Variants in RBFOX2 observed in about 807,000 individuals in gnomAD.
RBFOX2 encodes the protein RNA binding fox-1 homolog 2, also known as RNA binding protein fox-1 homolog 2.
Under a neutral mutation model 49.1 loss-of-function variants are expected in RBFOX2, and 10 were observed. The ratio of observed to expected loss-of-function variants is 0.20; its 90% CI spans 0.13 to 0.35. The LOEUF (loss-of-function observed/expected upper bound fraction) is 0.35. RBFOX2 is among the 10% of genes least tolerant of loss of function. RBFOX2 has a pLI of 1.00. For missense variants in RBFOX2, 323 were observed against 486.9 expected (o/e 0.66, Z 3.17); for synonymous variants, 183 against 187.4 (o/e 0.98, Z 0.19).
intron 1 of RBFOX2, among the ~76,000 whole-genome samples, chr22:35,899,603 A>C (rs2048322093): frequency 6.6e-6 from 1 of 152,092 alleles, no homozygotes; most frequent in African/African-American, 2.4e-5. Context: ...AAGGGGGAAC[A>C]AAGTGGTAGG....
rs187003324 is a variant in RBFOX2 at position 35,864,327 on chromosome 22, A to G, written c.-33-54323T>C. 1.8e-3 allele frequency among the ~76,000 whole-genome samples: 274 copies of G among 152,320 alleles called. 1 individual carries two copies. Among genetic ancestry groups the G allele is most frequent in the African/African-American group, 6.0e-3 (248 of 41,578 alleles). ...TAGTACCTACCAGGGTTTTTTCCCCATGACCTGAAACCACTATAATATAGC... is the reference window on the plus strand; with the variant it reads ...TAGTACCTACCAGGGTTTTTTCCCCGTGACCTGAAACCACTATAATATAGC... On this transcript the variant is annotated intron_variant, in intron 1 of 13. Coordinates refer to the RBFOX2 transcript ENST00000359369.
chr22:35,822,471 A>C (rs541722479), intron 1 of RBFOX2, among the ~76,000 whole-genome samples: 2 of 152,290 alleles, frequency 1.3e-5, no homozygotes, highest in African/African-American at 4.8e-5. Flanking sequence ...TTTCATGCTA[A>C]AAGTTCCTCT....
At chr22:35,879,467 A>G (rs2045587768) in intron 1 of RBFOX2, among the ~76,000 whole-genome samples, 1 of 152,208 alleles carries the variant, frequency 6.6e-6, no homozygotes, top group Non-Finnish European at 1.5e-5. Context: ...TATATCAGGG[A>G]CTTGAGCATC....
intron 1 of RBFOX2, among the ~76,000 whole-genome samples, chr22:35,877,534 T>A (rs1250324984): frequency 6.6e-6 from 1 of 152,118 alleles, no homozygotes; most frequent in East Asian, 1.9e-4. Flanking sequence ...ACGGTAACAA[T>A]CATAACTAAC....
chr22:35,952,612 C>A (rs1418094294), intron 1 of RBFOX2, among the ~76,000 whole-genome samples: 2 of 152,100 alleles, frequency 1.3e-5, no homozygotes, highest in African/African-American at 2.4e-5. Flanking sequence ...TTTAATAAGT[C>A]CATCAGCAAA....
intron 1 of RBFOX2, among the ~76,000 whole-genome samples, chr22:35,901,475 T>C (rs1198446125): frequency 2.0e-5 from 3 of 150,734 alleles, no homozygotes; most frequent in African/African-American, 7.3e-5. Context: ...ATAGTAAAAC[T>C]CTCATCTCAA....
At chr22:35,758,432 TA>T (rs1937567769) in intron 9 of RBFOX2, among the ~76,000 whole-genome samples, 2 of 152,212 alleles carry the variant, frequency 1.3e-5, no homozygotes, top group Admixed American at 1.3e-4. Flanking sequence ...AATATGACAG[TA>T]AATTCTCTTG....
At chr22:35,975,932 A>G (rs1385651098) in intron 1 of RBFOX2, among the ~76,000 whole-genome samples, 1 of 152,228 alleles carries the variant, frequency 6.6e-6, no homozygotes, top group Non-Finnish European at 1.5e-5. Context: ...AAGGATATAA[A>G]GAATAACAAA....
chr22:35,982,711 T>C (rs548556063), intron 1 of RBFOX2, among the ~76,000 whole-genome samples: 1 of 151,770 alleles, frequency 6.6e-6, no homozygotes, highest in Non-Finnish European at 1.5e-5. Context: ...AACAGTTATA[T>C]AAGAAAAATC....
chr22:35,892,459 G>C (rs1315645251), intron 1 of RBFOX2, among the ~76,000 whole-genome samples: 3 of 152,136 alleles, frequency 2.0e-5, no homozygotes, highest in African/African-American at 4.8e-5. Flanking sequence ...AGACACACAG[G>C]AGCAAATTAA....
chr22:35,872,518 T>C (rs1471232670), intron 1 of RBFOX2, among the ~76,000 whole-genome samples: 2 of 152,186 alleles, frequency 1.3e-5, no homozygotes, highest in Non-Finnish European at 2.9e-5. Context: ...CAAAGTTTTA[T>C]TGAGTGGAAG....
chr22:36,018,021 G>C (rs1165460417), intron 1 of RBFOX2, among the ~76,000 whole-genome samples: 2 of 152,074 alleles, frequency 1.3e-5, no homozygotes, highest in Non-Finnish European at 2.9e-5. Flanking sequence ...GCAGACCAAG[G>C]GCCAGACCCC....
chr22:35,849,772 G>T (rs2041692026), intron 1 of RBFOX2, among the ~76,000 whole-genome samples: 1 of 152,182 alleles, frequency 6.6e-6, no homozygotes, highest in African/African-American at 2.4e-5. Flanking sequence ...TGGCTCAGCT[G>T]ATGAAGTCGG....
chr22:35,903,755 T>A (rs2048834671), intron 1 of RBFOX2, among the ~76,000 whole-genome samples: 1 of 152,118 alleles, frequency 6.6e-6, no homozygotes. Context: ...GTGTGTGACT[T>A]CACTTGACCT....
At chr22:35,813,466 A>G (rs1464660016) in intron 1 of RBFOX2, among the ~76,000 whole-genome samples, 1 of 152,206 alleles carries the variant, frequency 6.6e-6, no homozygotes, top group African/African-American at 2.4e-5. Context: ...AGAAATTACT[A>G]GCTTTCTCTT....
intron 2 of RBFOX2, among the ~76,000 whole-genome samples, chr22:35,792,315 C>CAAAAA (rs1187704252): frequency 1.9e-3 from 66 of 34,816 alleles, no homozygotes; most frequent in East Asian, 5.6e-3. Flanking sequence ...AACTCCGTCT[C>CAAAAA]AAAAAAAAAA....
At chr22:35,965,239 A>G (rs2056489029), upstream of RBFOX2, among the ~76,000 whole-genome samples, 1 of 152,212 alleles carries the variant, frequency 6.6e-6, no homozygotes, top group Non-Finnish European at 1.5e-5. Context: ...ATAAGACAAC[A>G]TAACAAACTT....
intron 1 of RBFOX2, among the ~76,000 whole-genome samples, chr22:35,952,270 C>T (rs1237075328): frequency 6.6e-6 from 1 of 152,154 alleles, no homozygotes; most frequent in East Asian, 1.9e-4. Context: ...CACCTTTTTT[C>T]TTTGCTGACA....
At chr22:36,015,349 G>A (rs1039651019) in intron 1 of RBFOX2, among the ~76,000 whole-genome samples, 1 of 152,236 alleles carries the variant, frequency 6.6e-6, no homozygotes, top group Non-Finnish European at 1.5e-5. Context: ...TAAACAAGGT[G>A]TGCATAGCAT....
Sources: allele counts gnomAD v4.1 joint callset (sites outside exome capture counted in the v4.1 genomes callset), GRCh38; gene constraint gnomAD v4.1.1; transcripts MANE v1.5; gene names NCBI Gene and HGNC (gene_info 2026-07-23, HGNC 2026-07-21).